The following NICOL1 variants were observed in gnomAD, a reference collection of about 807,000 sequenced individuals.
NICOL1 encodes NELL2 interacting cell ontogeny regulator 1.
At chr4:2,043,264 G>C in the NICOL1 span, among the ~76,000 whole-genome samples, 1 of 152,182 alleles carries the variant, frequency 6.6e-6, no homozygotes, top group Admixed American at 6.5e-5. Context: ...TCTGGATCCT[G>C]GGTGGATGCA....
At chr4:2,041,499 T>C in the NICOL1 span, among the ~76,000 whole-genome samples, 5 of 151,738 alleles carry the variant, frequency 3.3e-5, 1 homozygote, top group South Asian at 1.0e-3. Flanking sequence ...CCGAGCAGGC[T>C]GGTGCCCACC....
At chr4:2,043,959 G>A in the NICOL1 span, 2 of 1,516,704 alleles carry the variant, frequency 1.3e-6, no homozygotes, top group East Asian at 5.0e-5. Context: ...TAAATGCCCA[G>A]TGGCACGCCT....
At chr4:2,040,698 A>AG in the NICOL1 span, among the ~76,000 whole-genome samples, 2 of 152,158 alleles carry the variant, frequency 1.3e-5, no homozygotes, top group African/African-American at 4.8e-5. Flanking sequence ...AGCGGCCCGC[A>AG]GCCCCCACCC....
At chr4:2,042,438 CGCCCGG>C in the NICOL1 span, 1 of 445,110 alleles carries the variant, frequency 2.2e-6, no homozygotes, top group Middle Eastern at 5.9e-4. Context: ...CGCTGCTGGG[CGCCCGG>C]GCCCGCGCCG....
chr4:2,043,769 G>A, the NICOL1 span: 37 of 1,018,930 alleles, frequency 3.6e-5, no homozygotes, highest in Non-Finnish European at 5.1e-5. Flanking sequence ...CTCAGGAGCC[G>A]GTGGAGATAG....
the NICOL1 span, among the ~76,000 whole-genome samples, chr4:2,038,389 G>T: frequency 2.6e-5 from 4 of 150,960 alleles, no homozygotes; most frequent in African/African-American, 9.7e-5. Flanking sequence ...CTAGGCTAAA[G>T]GGATCCTCCT....
At chr4:2,040,576 G>C in the NICOL1 span, among the ~76,000 whole-genome samples, 5 of 152,328 alleles carry the variant, frequency 3.3e-5, no homozygotes, top group African/African-American at 1.2e-4. Context: ...CCGCCCCACT[G>C]GGGGACCGCG....
At chr4:2,038,049 G>A in the NICOL1 span, among the ~76,000 whole-genome samples, 1 of 150,396 alleles carries the variant, frequency 6.6e-6, no homozygotes, top group Admixed American at 6.6e-5. Flanking sequence ...TTTCCCTTGT[G>A]ATTTATTTGA....
the NICOL1 span, among the ~76,000 whole-genome samples, chr4:2,040,361 C>A: frequency 1.3e-5 from 2 of 152,248 alleles, no homozygotes; most frequent in Non-Finnish European, 2.9e-5. Context: ...CCGGCCTTGG[C>A]CTCCCAAAGT....
the NICOL1 span, among the ~76,000 whole-genome samples, chr4:2,041,131 C>T: frequency 8.5e-6 from 1 of 117,714 alleles, no homozygotes; most frequent in South Asian, 3.1e-4. Flanking sequence ...CCGGCCACAG[C>T]GCGGGCTGCT....
chr4:2,042,819 G>A, the NICOL1 span: 6 of 1,487,984 alleles, frequency 4.0e-6, no homozygotes, highest in South Asian at 6.3e-5. Context: ...CAGCCTGGAC[G>A]CGCGGGTGAG....
the NICOL1 span, among the ~76,000 whole-genome samples, chr4:2,040,462 C>G: frequency 6.6e-6 from 1 of 152,086 alleles, no homozygotes; most frequent in Non-Finnish European, 1.5e-5. Flanking sequence ...CAGCGTGGGA[C>G]CGAAGGGGAG....
At chr4:2,042,088 C>G in the NICOL1 span, 1 of 1,481,374 alleles carries the variant, frequency 6.8e-7, no homozygotes, top group Non-Finnish European at 8.9e-7. Flanking sequence ...GTGGTGCGGG[C>G]GTCCGAATGG....
chr4:2,042,396 G>C, the NICOL1 span: 2 of 507,960 alleles, frequency 3.9e-6, no homozygotes, highest in Non-Finnish European at 6.9e-6. Context: ...CACCGCCGCC[G>C]CCGCCGCTGC....
the NICOL1 span, among the ~76,000 whole-genome samples, chr4:2,038,631 G>A: frequency 3.3e-5 from 5 of 151,958 alleles, no homozygotes; most frequent in Non-Finnish European, 5.9e-5. Flanking sequence ...GTATTCTGAG[G>A]ATACAGTGTT....
the NICOL1 span, among the ~76,000 whole-genome samples, chr4:2,039,184 C>T: frequency 2.0e-5 from 3 of 151,996 alleles, no homozygotes; most frequent in East Asian, 1.9e-4. Context: ...GAGGCCAAGG[C>T]GGGTGGATCG....
chr4:2,043,795 G>C, the NICOL1 span: 1 of 1,412,758 alleles, frequency 7.1e-7, no homozygotes, highest in Non-Finnish European at 9.7e-7. Flanking sequence ...CCTTGGGTGG[G>C]TGGAGGCCCA....
At chr4:2,042,239 C>A in the NICOL1 span, 5 of 1,015,684 alleles carry the variant, frequency 4.9e-6, no homozygotes, top group Non-Finnish European at 5.2e-6. Context: ...GGGGCTTGGA[C>A]AAGGGTCGTG....
chr4:2,041,954 G>A, the NICOL1 span: 1 of 1,452,760 alleles, frequency 6.9e-7, no homozygotes, highest in Non-Finnish European at 9.0e-7. Flanking sequence ...CCATGACGAC[G>A]ACGTCGGATG....
Sources: allele counts gnomAD v4.1 joint callset (sites outside exome capture counted in the v4.1 genomes callset), GRCh38; gene constraint gnomAD v4.1.1; transcripts MANE v1.5; gene names NCBI Gene and HGNC (gene_info 2026-07-23, HGNC 2026-07-21).